Variants in GRIA4 observed in about 807,000 individuals in gnomAD.
GRIA4 encodes glutamate receptor 4.
A neutral mutation model predicts 104.0 loss-of-function variants in GRIA4; 34 were observed. The observed-to-expected ratio is 0.33, with a 90% CI of 0.25 to 0.44. The LOEUF (loss-of-function observed/expected upper bound fraction) is 0.44, where lower values mean the gene tolerates loss of function less well. Among genes scored for constraint, GRIA4 ranks in the 20% least tolerant of loss-of-function variants. The pLI is 1.00. For synonymous variants in GRIA4, 386 were observed against 381.9 expected, an observed-to-expected ratio of 1.01 and a Z score of -0.13; for missense variants, 750 against 1,096.5, an observed-to-expected ratio of 0.68 and a Z score of 4.46.
chr11:105,772,153 CA>C (rs1941236697), intron 4 of GRIA4, among the ~76,000 whole-genome samples: 1 of 152,160 alleles, frequency 6.6e-6, no homozygotes, highest in African/African-American at 2.4e-5. Context: ...CTAAACAGCA[CA>C]ACTCTCCACT....
At chr11:105,913,015 C>T in intron 10 of GRIA4, 1 of 940,860 alleles carries the variant, frequency 1.1e-6, no homozygotes, top group Non-Finnish European at 1.3e-6. Context: ...TGTTATTGTT[C>T]TTCCAGTTGT....
intron 4 of GRIA4, among the ~76,000 whole-genome samples, chr11:105,784,568 G>A (rs918939299): frequency 3.9e-5 from 6 of 152,200 alleles, no homozygotes; most frequent in Non-Finnish European, 7.3e-5. Flanking sequence ...TGTGCTGCGT[G>A]AATGAGAGGT....
chr11:105,661,444 G>C (rs1319890967), intron 3 of GRIA4, among the ~76,000 whole-genome samples: 1 of 151,530 alleles, frequency 6.6e-6, no homozygotes. Flanking sequence ...CCCTTATTTG[G>C]ATTTTGATTC....
At chr11:105,815,523 C>A (rs776149992) in intron 4 of GRIA4, among the ~76,000 whole-genome samples, 4 of 152,136 alleles carry the variant, frequency 2.6e-5, no homozygotes, top group Non-Finnish European at 5.9e-5. Flanking sequence ...TGTGTTGGGT[C>A]ACCTTCAGTT....
At chr11:105,792,259 AG>A (rs1284230350) in intron 4 of GRIA4, among the ~76,000 whole-genome samples, 1 of 152,170 alleles carries the variant, frequency 6.6e-6, no homozygotes, top group Admixed American at 6.6e-5. Context: ...ATCAAGAGCT[AG>A]AACTTAAATT....
intron 6 of GRIA4, among the ~76,000 whole-genome samples, chr11:105,893,990 C>T (rs1946550605): frequency 1.3e-5 from 2 of 152,070 alleles, no homozygotes; most frequent in South Asian, 4.1e-4. Flanking sequence ...GATGAGCTGT[C>T]AAATTAGTGG....
intron 14 of GRIA4, among the ~76,000 whole-genome samples, chr11:105,949,520 G>T (rs151046768): frequency 4.6e-5 from 7 of 152,056 alleles, no homozygotes; most frequent in Non-Finnish European, 7.4e-5. Context: ...TACATAGATC[G>T]TGTTGTAATG....
At chr11:105,890,664 C>G (rs931852368) in intron 6 of GRIA4, among the ~76,000 whole-genome samples, 3 of 152,144 alleles carry the variant, frequency 2.0e-5, no homozygotes, top group Non-Finnish European at 4.4e-5. Flanking sequence ...AGTAGAAATC[C>G]TTTCCCTTAA....
intron 3 of GRIA4, among the ~76,000 whole-genome samples, chr11:105,722,279 T>C (rs1937876688): frequency 6.6e-6 from 1 of 152,138 alleles, no homozygotes; most frequent in African/African-American, 2.4e-5. Flanking sequence ...TTATGATGTT[T>C]GTGAATTATG....
At chr11:105,816,341 T>C (rs968991903) in intron 4 of GRIA4, among the ~76,000 whole-genome samples, 1 of 152,114 alleles carries the variant, frequency 6.6e-6, no homozygotes, top group African/African-American at 2.4e-5. Context: ...ATCATGGGAG[T>C]AGATTTCTCA....
chr11:105,623,053 G>GTGTATATATA (rs1162148034), intron 3 of GRIA4, among the ~76,000 whole-genome samples: 16 of 127,744 alleles, frequency 1.3e-4, no homozygotes, highest in Admixed American at 3.0e-4. Flanking sequence ...GTATTCCATT[G>GTGTATATATA]TATATATATA....
intron 14 of GRIA4, among the ~76,000 whole-genome samples, chr11:105,965,138 T>C (rs1211066266): frequency 6.6e-6 from 1 of 151,930 alleles, no homozygotes; most frequent in African/African-American, 2.4e-5. Context: ...TCCTAAAGAA[T>C]AGCCAAAATA....
chr11:105,933,605 T>C (rs886560419), intron 13 of GRIA4, 117 bp from the exon 14 acceptor site: 27 of 686,022 alleles, frequency 3.9e-5, no homozygotes, highest in South Asian at 1.3e-4. Flanking sequence ...CTGTGGCAAA[T>C]TGGAGTTAGA....
chr11:105,649,821 G>A (rs931465665), intron 3 of GRIA4, among the ~76,000 whole-genome samples: 5 of 151,838 alleles, frequency 3.3e-5, no homozygotes, highest in Non-Finnish European at 7.4e-5. Flanking sequence ...AGGTAGATTT[G>A]AGCATTATTT....
At chr11:105,727,468 A>C (rs1405632973) in intron 3 of GRIA4, among the ~76,000 whole-genome samples, 1 of 152,216 alleles carries the variant, frequency 6.6e-6, no homozygotes, top group African/African-American at 2.4e-5. Context: ...AATATTATCC[A>C]GGAGAAATTC....
chr11:105,933,090 T>A (rs1480802594), intron 13 of GRIA4, among the ~76,000 whole-genome samples: 1 of 151,614 alleles, frequency 6.6e-6, no homozygotes, highest in Non-Finnish European at 1.5e-5. Flanking sequence ...ATTTTTTTTT[T>A]AATTAGTTGG....
chr11:105,659,148 T>A (rs1008119991), intron 3 of GRIA4, among the ~76,000 whole-genome samples: 1 of 151,958 alleles, frequency 6.6e-6, no homozygotes, highest in Non-Finnish European at 1.5e-5. Context: ...TCCTCACCCA[T>A]CATCCATGTG....
intron 5 of GRIA4, among the ~76,000 whole-genome samples, chr11:105,866,545 GTGTGTGTA>G (rs1945416480): frequency 1.4e-5 from 1 of 71,216 alleles, no homozygotes; most frequent in African/African-American, 6.2e-5. Flanking sequence ...ATGTGTGTGT[GTGTGTGTA>G]TATATATATA....
chr11:105,716,623 A>G (rs1954097671), intron 3 of GRIA4, among the ~76,000 whole-genome samples: 1 of 152,022 alleles, frequency 6.6e-6, no homozygotes, highest in African/African-American at 2.4e-5. Context: ...TGTACAGAAA[A>G]CTCTATACAT....
Sources: gnomAD v4.1 joint callset for allele counts (sites outside exome capture counted in the v4.1 genomes callset) on GRCh38, gnomAD v4.1.1 for gene constraint, MANE v1.5 for transcripts, NCBI Gene and HGNC (gene_info 2026-07-23, HGNC 2026-07-21) for gene names.